Variants in LDLRAD4 observed in about 807,000 individuals in gnomAD.
LDLRAD4 encodes the protein low density lipoprotein receptor class A domain containing 4.
A neutral mutation model predicts 17.0 loss-of-function variants in LDLRAD4; 5 were observed. The ratio of observed to expected loss-of-function variants is 0.29; its 90% CI spans 0.15 to 0.62. The LOEUF (loss-of-function observed/expected upper bound fraction) is 0.62. Among genes scored for constraint, LDLRAD4 ranks in the 20% least tolerant of loss-of-function variants. The probability of loss-of-function intolerance (pLI) is 0.84; values close to 1 mark genes in which losing one functional copy is unlikely to be tolerated. For synonymous variants in LDLRAD4, 168 were observed against 171.8 expected, an observed-to-expected ratio of 0.98 and a Z score of 0.17; for missense variants, 340 against 424.7, an observed-to-expected ratio of 0.80 and a Z score of 1.75.
intron 1 of LDLRAD4, among the ~76,000 whole-genome samples, chr18:13,306,615 TAGAG>T (rs1208052970): frequency 2.6e-5 from 4 of 152,142 alleles, no homozygotes; most frequent in African/African-American, 4.8e-5. Flanking sequence ...AGAACCCTGA[TAGAG>T]AGAAGGTCAG....
chr18:13,643,310 T>C, intron 4 of LDLRAD4, 49 bp from the exon 6 acceptor site: 1 of 1,241,762 alleles, frequency 8.1e-7, no homozygotes, highest in Non-Finnish European at 1.1e-6. Context: ...GCTAATGATT[T>C]TCCTCTGTTT....
At chr18:13,592,859 CT>C (rs2095045805) in intron 3 of LDLRAD4, among the ~76,000 whole-genome samples, 1 of 152,186 alleles carries the variant, frequency 6.6e-6, no homozygotes, top group Non-Finnish European at 1.5e-5. Flanking sequence ...GAGACCAAAA[CT>C]TTGTGGAGCA....
chr18:13,325,707 A>C (rs1481721965), intron 1 of LDLRAD4, among the ~76,000 whole-genome samples: 1 of 150,468 alleles, frequency 6.6e-6, no homozygotes, highest in Non-Finnish European at 1.5e-5. Context: ...TCTGGAGCCA[A>C]CCCCAGTTTC....
intron 4 of LDLRAD4, among the ~76,000 whole-genome samples, chr18:13,625,448 G>A (rs1168086037): frequency 6.6e-6 from 1 of 152,118 alleles, no homozygotes; most frequent in African/African-American, 2.4e-5. Flanking sequence ...GCGGCCCCTC[G>A]CCTCCTCTAC....
At chr18:13,438,497 T>C in intron 3 of LDLRAD4, 113 bp downstream of exon 4, 1 of 815,964 alleles carries the variant, frequency 1.2e-6, no homozygotes, top group Non-Finnish European at 2.0e-6. Flanking sequence ...GGAAAGAGAT[T>C]TGCATTTTCA....
chr18:13,286,565 G>GTCTCAC (rs1433201988), intron 1 of LDLRAD4, among the ~76,000 whole-genome samples: 2 of 152,200 alleles, frequency 1.3e-5, no homozygotes, highest in East Asian at 3.8e-4. Flanking sequence ...TAGAGATGAG[G>GTCTCAC]TCTCACTATG....
intron 1 of LDLRAD4, among the ~76,000 whole-genome samples, chr18:13,375,500 T>C (rs1403464019): frequency 6.6e-6 from 1 of 152,082 alleles, no homozygotes; most frequent in Admixed American, 6.5e-5. Context: ...TGGCTCTGTG[T>C]GTTGGGCTGG....
rs540396750 is a variant in LDLRAD4, at chr18:13,254,410, C to T, written c.-466-23695C>T. ...ACTGGGCCACGGTCTGGAGACTGGG[C>T]AGTTTGGGGGTTGGAGGAGTTTCCC... On this transcript the variant is annotated intron_variant, in intron 1 of 5. Transcript: ENST00000399848. Among the ~76,000 whole-genome samples, 5 of 152,224 alleles carry T rather than the reference C, an allele frequency of 3.3e-5. No individual in the cohort carries two copies. In the East Asian group the frequency reaches 9.7e-4, roughly 29 times the overall value.
At chr18:13,279,352 C>CCCA (rs2045103784) in intron 1 of LDLRAD4, 1 of 152,216 alleles carries the variant, frequency 6.6e-6, no homozygotes, top group African/African-American at 2.4e-5. Flanking sequence ...GTTTGGCACA[C>CCCA]CCACCGCCAG....
chr18:13,254,478 CCTCTTCAAGGTCGCTCA>C (rs2043396761), intron 1 of LDLRAD4, among the ~76,000 whole-genome samples: 1 of 152,172 alleles, frequency 6.6e-6, no homozygotes, highest in Non-Finnish European at 1.5e-5. Context: ...GAGAATCCCG[CCTCTTCAAGGTCGCTCA>C]GCTGACCATG....
intron 1 of LDLRAD4, among the ~76,000 whole-genome samples, chr18:13,307,495 C>A (rs1249686263): frequency 6.6e-6 from 1 of 152,166 alleles, no homozygotes; most frequent in Non-Finnish European, 1.5e-5. Context: ...TGGCACCCTG[C>A]AGCCTTGACC....
intron 1 of LDLRAD4, among the ~76,000 whole-genome samples, chr18:13,299,023 A>G (rs991289772): frequency 6.6e-6 from 1 of 152,230 alleles, no homozygotes; most frequent in Non-Finnish European, 1.5e-5. Flanking sequence ...GTATGTAGGC[A>G]TTTAAGGGAC....
At chr18:13,525,483 G>C (rs576425267) in intron 3 of LDLRAD4, among the ~76,000 whole-genome samples, 1 of 152,346 alleles carries the variant, frequency 6.6e-6, no homozygotes, top group South Asian at 2.1e-4. Context: ...GCAGGAAAAC[G>C]TGGGCATTCC....
intron 1 of LDLRAD4, among the ~76,000 whole-genome samples, chr18:13,330,782 A>G (rs2081817269): frequency 6.6e-6 from 1 of 152,186 alleles, no homozygotes; most frequent in African/African-American, 2.4e-5. Flanking sequence ...GCATTACTAG[A>G]AGATTGGAAC....
At chr18:13,226,179 G>GTTTTTTTTTTTTTTTTTTTT (rs1243883704) in intron 1 of LDLRAD4, among the ~76,000 whole-genome samples, 1 of 11,478 alleles carries the variant, frequency 8.7e-5, no homozygotes, top group African/African-American at 1.9e-4. Context: ...GCCATGCCTT[G>GTTTTTTTTTTTTTTTTTTTT]CTTTTTTTTT....
At chr18:13,255,858 T>C (rs1380565969) in intron 1 of LDLRAD4, among the ~76,000 whole-genome samples, 2 of 152,146 alleles carry the variant, frequency 1.3e-5, no homozygotes, top group East Asian at 3.9e-4. Flanking sequence ...TTCCATTTTA[T>C]CAGGATGAGG....
chr18:13,295,774 C>G (rs749365865), intron 1 of LDLRAD4, among the ~76,000 whole-genome samples: 1 of 152,230 alleles, frequency 6.6e-6, no homozygotes, highest in African/African-American at 2.4e-5. Context: ...GGCTATAAGC[C>G]TTCTCTAGTA....
At chr18:13,633,177 G>A (rs1221674360) in intron 4 of LDLRAD4, among the ~76,000 whole-genome samples, 1 of 152,260 alleles carries the variant, frequency 6.6e-6, no homozygotes, top group Non-Finnish European at 1.5e-5. Context: ...CAGGCAGGTT[G>A]ATCCGATGTC....
intron 2 of LDLRAD4, 152 bp downstream of exon 3, chr18:13,387,914 C>A: frequency 3.0e-6 from 2 of 658,742 alleles, no homozygotes; most frequent in East Asian, 2.7e-5. Context: ...CTGATTCTGA[C>A]AAAATAATAA....
Sources: allele counts gnomAD v4.1 joint callset (sites outside exome capture counted in the v4.1 genomes callset), GRCh38; gene constraint gnomAD v4.1.1; transcripts MANE v1.5; gene names NCBI Gene and HGNC (gene_info 2026-07-23, HGNC 2026-07-21).